Variants in SEMA4D observed in about 807,000 individuals in gnomAD.
SEMA4D encodes semaphorin 4D, also known as semaphorin-4D.
A neutral mutation model predicts 74.8 loss-of-function variants in SEMA4D; 22 were observed. The observed-to-expected ratio is 0.29, with a 90% confidence interval of 0.21 to 0.42. SEMA4D has a LOEUF of 0.42. Among genes scored for constraint, SEMA4D ranks in the 10% least tolerant of loss-of-function variants. The pLI is 1.00. For missense variants in SEMA4D, 937 were observed against 1,118.4 expected (o/e 0.84, Z 2.31); for synonymous variants, 445 against 463.7 (o/e 0.96, Z 0.52).
At chr9:89,419,152 G>A (rs1448041220) in intron 2 of SEMA4D, among the ~76,000 whole-genome samples, 1 of 152,150 alleles carries the variant, frequency 6.6e-6, no homozygotes, top group Non-Finnish European at 1.5e-5. Flanking sequence ...GGCACCTGAG[G>A]TTAGCAAATG....
At chr9:89,363,434 G>A (rs772816288) in exon 18 of SEMA4D, 23 of 1,612,850 alleles carry the variant, frequency 1.4e-5, no homozygotes, top group Non-Finnish European at 1.9e-5. Flanking sequence ...ACTTACCCAC[G>A]CCTTCCTCCA....
intron 1 of SEMA4D, among the ~76,000 whole-genome samples, chr9:89,456,892 G>A (rs1360488025): frequency 3.9e-5 from 6 of 152,132 alleles, no homozygotes; most frequent in Non-Finnish European, 8.8e-5. Flanking sequence ...CAGCTGGGAG[G>A]GATTTTTTTA....
intron 16 of SEMA4D, among the ~76,000 whole-genome samples, chr9:89,366,401 C>CTG (rs1410645331): frequency 6.6e-6 from 1 of 152,180 alleles, no homozygotes; most frequent in Non-Finnish European, 1.5e-5. Flanking sequence ...AGGAAACATT[C>CTG]TGTAAACTCA....
At chr9:89,412,064 T>G (rs1451867627) in intron 2 of SEMA4D, among the ~76,000 whole-genome samples, 2 of 152,112 alleles carry the variant, frequency 1.3e-5, no homozygotes, top group African/African-American at 2.4e-5. Context: ...AGTCACCCTT[T>G]GCCTCCCCTG....
Position 89,379,552 on chromosome 9 carries a change from T to G in SEMA4D, c.1741A>C (p.Asn581His), listed in dbSNP as rs1836531345. 2 of 1,614,086 alleles carry G rather than the reference T, an allele frequency of 1.2e-6. No individual in the cohort carries two copies. Among genetic ancestry groups the G allele is most frequent in the African/African-American group, 2.7e-5 (2 of 74,936 alleles). ...AACTTCCAAAAGACCCGGGCCAGGT[T>G]GGATTTTTGGGAGCATTTCAGTTCC... ...TAELKCSQKS[N>H]LARVFWKFQN... The change falls in exon 16 of 16, where the codon AAC becomes CAC. Residue 581 changes from asparagine (N) to histidine (H), a missense_variant. Transcript: ENST00000422704.
At chr9:89,451,997 T>C (rs1854626695) in intron 2 of SEMA4D, among the ~76,000 whole-genome samples, 1 of 152,040 alleles carries the variant, frequency 6.6e-6, no homozygotes, top group Non-Finnish European at 1.5e-5. Context: ...AGGGATCCTA[T>C]GAGGCATAAG....
chr9:89,406,479 T>A (rs1429150965), intron 2 of SEMA4D, among the ~76,000 whole-genome samples: 2 of 152,198 alleles, frequency 1.3e-5, no homozygotes, highest in African/African-American at 4.8e-5. Context: ...CCTGGCCCCA[T>A]CTCTCATGTC....
intron 1 of SEMA4D, among the ~76,000 whole-genome samples, chr9:89,458,631 G>A (rs368334292): frequency 6.6e-6 from 1 of 151,868 alleles, no homozygotes; most frequent in Non-Finnish European, 1.5e-5. Context: ...ACATACCCAT[G>A]TAAGCACACA....
intron 16 of SEMA4D, chr9:89,369,115 A>C (rs1834150850): frequency 6.6e-6 from 1 of 152,260 alleles, no homozygotes. Flanking sequence ...GGCCCAACAC[A>C]CAAGGTCAAC....
At chr9:89,363,814 A>G (rs762303154) in exon 17 of SEMA4D, 25 of 1,614,100 alleles carry the variant, frequency 1.5e-5, no homozygotes, top group Middle Eastern at 3.3e-4. Flanking sequence ...AGCGATACTC[A>G]GCGCTTTCCC....
In SEMA4D at chr9:89,443,019, C is replaced by A. The variant is rs183701477; in HGVS notation, c.-244+12869G>T. Among the ~76,000 whole-genome samples, 315 of 152,250 alleles carry A rather than the reference C, an allele frequency of 2.1e-3. 1 individual carries two copies. The highest frequency in any genetic ancestry group is 6.4e-3 in the African/African-American group (265 of 41,542). On this transcript the variant is annotated intron_variant, in intron 2 of 15. Transcript: ENST00000422704. ...AGGACCGTGCTCAGCAGCAGGAGGG[C>A]CCCCTGCACCCCTACAGCATGCCTG...
chr9:89,389,147 G>T, intron 9 of SEMA4D, 100 bp from the exon 10 acceptor site: 3 of 1,284,042 alleles, frequency 2.3e-6, no homozygotes, highest in Non-Finnish European at 3.3e-6. Context: ...GCACAGCGCG[G>T]CTGTGCCTGA....
At chr9:89,437,500 A>C (rs1169955038) in intron 2 of SEMA4D, among the ~76,000 whole-genome samples, 1 of 152,044 alleles carries the variant, frequency 6.6e-6, no homozygotes, top group South Asian at 2.1e-4. Flanking sequence ...ACCCCCACCC[A>C]GCACCAACCC....
At position 89,379,505 on chromosome 9, in the gene SEMA4D, G is replaced by C. The variant is rs377303343; in HGVS notation, c.1788C>G (p.Ala596=). Residue 596 remains alanine, a synonymous_variant, in exon 16 of 16, where the codon GCC becomes GCG. Coordinates refer to ENST00000422704, the MANE Select transcript of SEMA4D (RefSeq NM_001371194.2). ...CCATAAGACCGTACTTGGGGCTCTC[G>C]GCCTTCAACACGCCATTCTGGAACT... is the stretch of plus-strand genomic sequence containing the variant. ...FWKFQNGVLK[A]ESPKYGLMGR... 2 of 1,613,944 alleles carry C rather than the reference G, an allele frequency of 1.2e-6. No individual in the cohort carries two copies. Among genetic ancestry groups the C allele is most frequent in the Admixed American group, 1.7e-5 (1 of 59,984 alleles).
At chr9:89,377,225 CT>C, downstream of SEMA4D, 1 of 912,640 alleles carries the variant, frequency 1.1e-6, no homozygotes, top group Admixed American at 3.6e-5. Context: ...TAAGGAATGT[CT>C]TCCCCAAATC....
downstream of SEMA4D, chr9:89,376,283 T>C (rs1835773276): frequency 6.6e-6 from 1 of 152,190 alleles, no homozygotes; most frequent in Non-Finnish European, 1.5e-5. Flanking sequence ...GGAGGATGGC[T>C]TAAGCCCAGG....
At chr9:89,398,814 T>G (rs1346032684) in intron 5 of SEMA4D, among the ~76,000 whole-genome samples, 1 of 152,290 alleles carries the variant, frequency 6.6e-6, no homozygotes, top group African/African-American at 2.4e-5. Flanking sequence ...TGCAAGAGGT[T>G]GAGCACAGCA....
intron 18 of SEMA4D, among the ~76,000 whole-genome samples, chr9:89,363,277 G>C (rs922023181): frequency 6.6e-6 from 1 of 151,136 alleles, no homozygotes; most frequent in Non-Finnish European, 1.5e-5. Context: ...TCCCCCCCCA[G>C]TGTTGCAGAT....
At chr9:89,461,577 A>G (rs1055995524) in intron 1 of SEMA4D, among the ~76,000 whole-genome samples, 1 of 152,188 alleles carries the variant, frequency 6.6e-6, no homozygotes, top group African/African-American at 2.4e-5. Context: ...ATAAACCTCC[A>G]AACATTTTTC....
Sources: gnomAD v4.1 joint callset for allele counts (sites outside exome capture counted in the v4.1 genomes callset) on GRCh38, gnomAD v4.1.1 for gene constraint, MANE v1.5 for transcripts, NCBI Gene and HGNC (gene_info 2026-07-23, HGNC 2026-07-21) for gene names.